The following FAM53B variants were observed in gnomAD, a reference collection of about 807,000 sequenced individuals.
The protein encoded by FAM53B is family with sequence similarity 53 member B.
A neutral mutation model predicts 32.7 loss-of-function variants in FAM53B; 12 were observed. That is an observed-to-expected ratio of 0.37 (90% confidence interval 0.24 to 0.59). The LOEUF is 0.59. FAM53B is among the 20% of genes least tolerant of loss of function. The probability of loss-of-function intolerance (pLI) is 0.72; values close to 1 mark genes in which losing one functional copy is unlikely to be tolerated. For synonymous variants in FAM53B, 234 were observed against 228.7 expected (o/e 1.02, Z -0.21); for missense variants, 477 against 577.7 (o/e 0.83, Z 1.79).
chr10:124,668,280 T>G (rs906341085), intron 4 of FAM53B, among the ~76,000 whole-genome samples: 2 of 152,246 alleles, frequency 1.3e-5, no homozygotes, highest in African/African-American at 4.8e-5. Context: ...ATCTCGCCCC[T>G]TGGCCTAAGC....
intron 1 of FAM53B, among the ~76,000 whole-genome samples, chr10:124,726,907 T>C (rs758354148): frequency 5.3e-5 from 8 of 152,260 alleles, no homozygotes; most frequent in Non-Finnish European, 1.2e-4. Context: ...GTTATCTACT[T>C]GGTACACAGC....
chr10:124,695,688 C>G (rs1486309303), intron 3 of FAM53B, among the ~76,000 whole-genome samples: 1 of 152,006 alleles, frequency 6.6e-6, no homozygotes, highest in Non-Finnish European at 1.5e-5. Flanking sequence ...ATGGAATGAA[C>G]AATTTTAATG....
chr10:124,722,543 C>T lies in FAM53B; in HGVS notation c.-174-15656G>A, dbSNP rs537552600. The stretch of plus-strand genomic sequence containing the variant: ...TAACATAAAACCTGTCTTCAGGGAG[C>T]GGAAATGGGTAGCCGGGAACAGAGA... On this transcript the variant is annotated intron_variant, in intron 1 of 4. Coordinates refer to ENST00000337318, the MANE Select transcript of FAM53B (RefSeq NM_014661.4). 1.8e-3 allele frequency among the ~76,000 whole-genome samples: 276 copies of T among 152,138 alleles called. 2 individuals carry two copies. Among genetic ancestry groups the T allele is most frequent in the Admixed American group, 0.016 (240 of 15,276 alleles).
intron 4 of FAM53B, among the ~76,000 whole-genome samples, chr10:124,625,804 C>T (rs1037402970): frequency 6.6e-5 from 10 of 152,218 alleles, no homozygotes; most frequent in Admixed American, 2.6e-4. Context: ...TGGCCTCAGC[C>T]GTGTGTCCCG....
chr10:124,649,518 C>T (rs1949542223), intron 4 of FAM53B, among the ~76,000 whole-genome samples: 1 of 152,204 alleles, frequency 6.6e-6, no homozygotes, highest in South Asian at 2.1e-4. Context: ...CATGTCTGCC[C>T]TCCGTCGCAT....
chr10:124,689,284 A>C (rs980597117), intron 3 of FAM53B, among the ~76,000 whole-genome samples: 2 of 152,172 alleles, frequency 1.3e-5, no homozygotes, highest in African/African-American at 2.4e-5. Flanking sequence ...GGGGGACACA[A>C]GCAGGGCAAT....
rs1307172324 is a variant in FAM53B at position 124,621,104 on chromosome 10, G to A, written c.*2138C>T. ...CCCAGCCCTAAGCAAAGGTAGCTGG[G>A]GGCTGCTGCATGCCTCAGCCTCAGC... On this transcript the variant is annotated 3_prime_UTR_variant, in exon 5 of 5. Coordinates refer to ENST00000337318, the MANE Select transcript of FAM53B (RefSeq NM_014661.4). The A allele has an allele frequency of 1.3e-5, 2 of 152,288 alleles. No homozygotes were observed. The highest frequency in any genetic ancestry group is 2.9e-5 in the Non-Finnish European group (2 of 68,106). The allele number at this position is 152,288 out of a possible 1,614,324, so 9.4% of individuals were successfully genotyped here.
intron 4 of FAM53B, among the ~76,000 whole-genome samples, chr10:124,629,957 C>T (rs1053701843): frequency 1.3e-5 from 2 of 152,158 alleles, no homozygotes; most frequent in African/African-American, 4.8e-5. Flanking sequence ...CTAGAGATGC[C>T]TCGAAGGCTG....
intron 4 of FAM53B, among the ~76,000 whole-genome samples, chr10:124,671,698 G>A (rs1408210690): frequency 6.6e-6 from 1 of 152,118 alleles, no homozygotes; most frequent in Non-Finnish European, 1.5e-5. Context: ...GTGAGCTCGC[G>A]TTACTGCTCA....
At chr10:124,662,012 C>A (rs1471475661) in intron 4 of FAM53B, among the ~76,000 whole-genome samples, 7 of 152,214 alleles carry the variant, frequency 4.6e-5, no homozygotes, top group African/African-American at 1.7e-4. Flanking sequence ...CACGGCAAGG[C>A]AGGAAGGCCT....
chr10:124,633,488 TCTGTA>T (rs1949405410), intron 4 of FAM53B, among the ~76,000 whole-genome samples: 2 of 152,296 alleles, frequency 1.3e-5, no homozygotes, highest in East Asian at 3.9e-4. Context: ...TCAGGAAAAC[TCTGTA>T]AAGAACAGTG....
intron 4 of FAM53B, among the ~76,000 whole-genome samples, chr10:124,632,395 G>C (rs1949397103): frequency 6.6e-6 from 1 of 152,282 alleles, no homozygotes; most frequent in Admixed American, 6.5e-5. Flanking sequence ...AAAGTCAAGG[G>C]ACCTTTCCAA....
intron 1 of FAM53B, among the ~76,000 whole-genome samples, chr10:124,715,194 C>T (rs1950031600): frequency 6.6e-6 from 1 of 152,204 alleles, no homozygotes; most frequent in Non-Finnish European, 1.5e-5. Context: ...TGAGGTGTCC[C>T]AGCCAAACAT....
chr10:124,738,911 G>A (rs1282134932), intron 1 of FAM53B, among the ~76,000 whole-genome samples: 1 of 152,120 alleles, frequency 6.6e-6, no homozygotes, highest in Non-Finnish European at 1.5e-5. Context: ...GTTTCCCCCA[G>A]AAGGTCACTG....
At chr10:124,664,944 T>A (rs573902640) in intron 4 of FAM53B, among the ~76,000 whole-genome samples, 1 of 152,346 alleles carries the variant, frequency 6.6e-6, no homozygotes, top group South Asian at 2.1e-4. Flanking sequence ...CTGACTCAGG[T>A]TGGCTCCCCA....
chr10:124,743,941 C>T (rs1349995138), intron 1 of FAM53B, 72 bp downstream of exon 1: 1 of 150,328 alleles, frequency 6.7e-6, no homozygotes, highest in Non-Finnish European at 1.5e-5. Flanking sequence ...GGCCGGGACG[C>T]ACACGGCCCG....
chr10:124,744,337 AGGCAGGCGGCGTGCGGCGGCGGC>A lies in FAM53B; in HGVS notation c.-522_-500del, dbSNP rs1234152930. ...GCTAGGCGCGGCGGCGGCGTGCAGGAGGCAGGCGGCGTGCGGCGGCGGCGGCAGGCGAGTGTGCAGTGCGCGCA... is the reference window on the plus strand; with the variant it reads ...GCTAGGCGCGGCGGCGGCGTGCAGGAGGCAGGCGAGTGTGCAGTGCGCGCA... On this transcript the variant is annotated 5_prime_UTR_variant, in exon 1 of 5. Transcript: ENST00000337318. 1 of 142,692 alleles carries A rather than the reference AGGCAGGCGGCGTGCGGCGGCGGC, an allele frequency of 7.0e-6. No homozygotes were observed. Among genetic ancestry groups the A allele is most frequent in the Non-Finnish European group, 1.6e-5 (1 of 63,744 alleles). The allele number at this position is 142,692 out of a possible 1,614,324, so 8.8% of individuals were successfully genotyped here.
Position 124,632,332 on chromosome 10 carries a change from T to C in FAM53B, c.907-8728A>G, listed in dbSNP as rs1949396687. Among the ~76,000 whole-genome samples the C allele has an allele frequency of 2.0e-5, 3 of 152,248 alleles. No individual in the cohort carries two copies. The South Asian group carries it at 6.2e-4, about 31-fold the overall frequency. On this transcript the variant is annotated intron_variant, in intron 4 of 4. Coordinates refer to ENST00000337318, the MANE Select transcript of FAM53B (RefSeq NM_014661.4). ...AGCCAGCACACACTCAGGACAGGAC[T>C]CGTGAAACCACCTCGCTCGCAGCTT...
chr10:124,715,301 G>A (rs971033812), intron 1 of FAM53B, among the ~76,000 whole-genome samples: 9 of 152,166 alleles, frequency 5.9e-5, no homozygotes, highest in East Asian at 1.9e-4. Context: ...GGGTAGAAGC[G>A]GGACAGGAAG....
Sources: gnomAD v4.1 joint callset for allele counts (sites outside exome capture counted in the v4.1 genomes callset) on GRCh38, gnomAD v4.1.1 for gene constraint, MANE v1.5 for transcripts, NCBI Gene and HGNC (gene_info 2026-07-23, HGNC 2026-07-21) for gene names.